Variants in PHACTR1 observed in about 807,000 individuals in gnomAD.
PHACTR1 encodes the protein phosphatase and actin regulator 1, also known as RPEL repeat containing 1.
PHACTR1 carries 16 observed loss-of-function variants against 69.2 expected under a neutral mutation model. That is an observed-to-expected ratio of 0.23 (90% confidence interval 0.16 to 0.35). The LOEUF is 0.35. Among genes scored for constraint, PHACTR1 ranks in the 10% least tolerant of loss-of-function variants. PHACTR1 has a pLI of 1.00. For missense variants in PHACTR1, 510 were observed against 734.7 expected (o/e 0.69, Z 3.54); for synonymous variants, 312 against 284.5 (o/e 1.10, Z -0.97).
chr6:13,226,389 G>A (rs554925267), intron 8 of PHACTR1, among the ~76,000 whole-genome samples: 1 of 152,232 alleles, frequency 6.6e-6, no homozygotes, highest in Non-Finnish European at 1.5e-5. Context: ...GATTTCTTTT[G>A]GATAAAATAT....
chr6:13,284,373 C>A (rs367839857), intron 13 of PHACTR1, among the ~76,000 whole-genome samples: 1 of 151,270 alleles, frequency 6.6e-6, no homozygotes, highest in African/African-American at 2.4e-5. Flanking sequence ...CAAAATTAGC[C>A]GGGCGTGATG....
At chr6:12,939,925 T>G (rs1321869458) in intron 4 of PHACTR1, among the ~76,000 whole-genome samples, 2 of 152,248 alleles carry the variant, frequency 1.3e-5, no homozygotes, top group Non-Finnish European at 2.9e-5. Flanking sequence ...ATGTTTACTA[T>G]ACAATTTGTG....
chr6:13,268,414 T>A (rs1777123857), intron 10 of PHACTR1, among the ~76,000 whole-genome samples: 1 of 152,188 alleles, frequency 6.6e-6, no homozygotes, highest in Non-Finnish European at 1.5e-5. Context: ...CCACAAGATG[T>A]CCACATCCTC....
chr6:12,790,886 C>T (rs908635520), intron 4 of PHACTR1, among the ~76,000 whole-genome samples: 1 of 152,130 alleles, frequency 6.6e-6, no homozygotes, highest in Admixed American at 6.6e-5. Context: ...GGTGGGACAA[C>T]TTGGTTGACA....
chr6:12,986,480 T>C (rs1796202883), intron 4 of PHACTR1, among the ~76,000 whole-genome samples: 1 of 152,220 alleles, frequency 6.6e-6, no homozygotes. Context: ...GTTTCAGTCT[T>C]TAGCTCACTA....
intron 5 of PHACTR1, among the ~76,000 whole-genome samples, chr6:13,110,898 T>C (rs536520788): frequency 2.0e-4 from 30 of 152,294 alleles, no homozygotes; most frequent in African/African-American, 7.2e-4. Flanking sequence ...TGCAGAGTTT[T>C]GTGCCCTGGG....
intron 6 of PHACTR1, among the ~76,000 whole-genome samples, chr6:13,171,507 C>T (rs1400403941): frequency 6.6e-6 from 1 of 152,194 alleles, no homozygotes; most frequent in Admixed American, 6.5e-5. Flanking sequence ...CGGTGCTGTC[C>T]AGTAGAACTT....
chr6:13,234,305 G>A (rs886272508), intron 10 of PHACTR1, among the ~76,000 whole-genome samples: 3 of 152,216 alleles, frequency 2.0e-5, no homozygotes, highest in African/African-American at 7.2e-5. Context: ...ATTACTGTGT[G>A]CAAAATATGT....
chr6:13,126,731 A>G (rs1418822073), intron 5 of PHACTR1, among the ~76,000 whole-genome samples: 1 of 152,256 alleles, frequency 6.6e-6, no homozygotes, highest in Non-Finnish European at 1.5e-5. Flanking sequence ...CAAGGAAACT[A>G]AAATGTAAAG....
intron 4 of PHACTR1, among the ~76,000 whole-genome samples, chr6:12,903,859 A>G (rs1785447398): frequency 6.6e-6 from 1 of 152,236 alleles, no homozygotes; most frequent in African/African-American, 2.4e-5. Context: ...TCAGGAATTC[A>G]ACTGGGATAT....
At chr6:12,901,636 C>T (rs749533417) in intron 4 of PHACTR1, among the ~76,000 whole-genome samples, 19 of 152,110 alleles carry the variant, frequency 1.2e-4, no homozygotes, top group East Asian at 7.8e-4. Context: ...CTGGGATTAC[C>T]GGCGCCCGCC....
chr6:13,127,496 G>C (rs1361113283), intron 5 of PHACTR1, among the ~76,000 whole-genome samples: 1 of 152,200 alleles, frequency 6.6e-6, no homozygotes, highest in African/African-American at 2.4e-5. Flanking sequence ...CTTGAGCCCA[G>C]GAGGTTGAGG....
intron 4 of PHACTR1, among the ~76,000 whole-genome samples, chr6:12,852,303 A>G (rs906010515): frequency 4.6e-5 from 7 of 152,216 alleles, no homozygotes; most frequent in African/African-American, 1.7e-4. Context: ...TCCTATAAAA[A>G]CAAACACATC....
At chr6:13,135,964 G>A (rs2327634) in intron 5 of PHACTR1, among the ~76,000 whole-genome samples, 4 of 152,228 alleles carry the variant, frequency 2.6e-5, no homozygotes, top group African/African-American at 9.6e-5. Flanking sequence ...AAGTCACCCT[G>A]TTCAGAAACA....
intron 5 of PHACTR1, among the ~76,000 whole-genome samples, chr6:13,120,511 G>A (rs1164337504): frequency 6.6e-6 from 1 of 152,224 alleles, no homozygotes; most frequent in Non-Finnish European, 1.5e-5. Context: ...AGGGTGGGGA[G>A]GAGAAAGTGT....
intron 3 of PHACTR1, 75 bp from the exon 4 acceptor site, chr6:12,749,569 T>G: frequency 2.8e-6 from 1 of 355,768 alleles, no homozygotes; most frequent in Admixed American, 3.6e-5. Flanking sequence ...CCCTCCCCCG[T>G]GCGCGAGCCT....
chr6:12,844,848 C>G (rs1405260986), intron 4 of PHACTR1, among the ~76,000 whole-genome samples: 2 of 152,068 alleles, frequency 1.3e-5, no homozygotes, highest in East Asian at 3.9e-4. Context: ...CTGTTAAAAG[C>G]AATCCGTGGG....
Position 13,224,721 on chromosome 6 carries a change from A to T in PHACTR1, c.987-3095A>T, listed in dbSNP as rs754813657. ...TTCTTTGCCTCAAATAGTACAGTTC[A>T]TGATGCGTTAACTGAATTTTCATTT... On this transcript the variant is annotated intron_variant, in intron 8 of 14. Transcript: ENST00000332995. 3.9e-5 allele frequency among the ~76,000 whole-genome samples: 6 copies of T among 152,212 alleles called. No homozygotes were observed. In the South Asian group the frequency reaches 1.2e-3, roughly 32 times the overall value.
At chr6:12,817,183 T>C (rs1775686267) in intron 4 of PHACTR1, among the ~76,000 whole-genome samples, 2 of 152,212 alleles carry the variant, frequency 1.3e-5, no homozygotes, top group African/African-American at 4.8e-5. Flanking sequence ...TTCTTATTTT[T>C]AGTGAATTTG....
Sources: gnomAD v4.1 joint callset for allele counts (sites outside exome capture counted in the v4.1 genomes callset) on GRCh38, gnomAD v4.1.1 for gene constraint, MANE v1.5 for transcripts, NCBI Gene and HGNC (gene_info 2026-07-23, HGNC 2026-07-21) for gene names.